The following BCL2L11 variants were observed in gnomAD, a reference collection of about 807,000 sequenced individuals.
BCL2L11 encodes BCL2 like 11, also known as bcl-2-like protein 11.
Under a neutral mutation model 20.6 loss-of-function variants are expected in BCL2L11, and 15 were observed. That is an observed-to-expected ratio of 0.73 (90% CI 0.49 to 1.12). The LOEUF is 1.12. BCL2L11 is among the 50% of genes most tolerant of loss of function. The pLI, the probability that BCL2L11 is intolerant of heterozygous loss-of-function variation, is 0.00. For missense variants in BCL2L11, 292 were observed against 260.9 expected (o/e 1.12, Z -0.82); for synonymous variants, 108 against 92.8 (o/e 1.16, Z -0.94).
intron 3 of BCL2L11, chr2:111,161,440 GA>G: frequency 6.4e-7 from 1 of 1,550,550 alleles, no homozygotes; most frequent in Non-Finnish European, 8.7e-7. Context: ...ACCTGATTAA[GA>G]ACCACTGTAG....
chr2:111,138,879 A>T (rs960212265), intron 2 of BCL2L11, among the ~76,000 whole-genome samples: 16 of 152,112 alleles, frequency 1.1e-4, no homozygotes, highest in South Asian at 8.3e-4. Flanking sequence ...GGTCATGGGG[A>T]GTTTTTCCAT....
At chr2:111,151,893 G>C (rs1368866179) in intron 3 of BCL2L11, 1 of 1,546,180 alleles carries the variant, frequency 6.5e-7, no homozygotes, top group Admixed American at 2.0e-5. Context: ...GATCTGAAAT[G>C]GTAATTTTTT....
intron 3 of BCL2L11, chr2:111,151,777 T>C (rs1261171197): frequency 1.4e-6 from 2 of 1,420,710 alleles, no homozygotes; most frequent in Non-Finnish European, 1.9e-6. Context: ...AAATGGGAAG[T>C]GTGACATTGA....
chr2:111,123,710 C>G (rs1040430499), intron 1 of BCL2L11, 23 bp from the exon 2 acceptor site: 4 of 1,384,648 alleles, frequency 2.9e-6, no homozygotes, highest in Non-Finnish European at 9.4e-7. Context: ...TTAAAATAAT[C>G]TTAGTTTTTA....
intron 2 of BCL2L11, among the ~76,000 whole-genome samples, chr2:111,141,415 C>CA (rs1338893301): frequency 1.3e-5 from 2 of 149,684 alleles, no homozygotes; most frequent in African/African-American, 2.5e-5. Flanking sequence ...ATTGCAAGAA[C>CA]AAAAAACCAA....
intron 2 of BCL2L11, among the ~76,000 whole-genome samples, chr2:111,145,225 A>C (rs1053127413): frequency 1.2e-4 from 18 of 152,190 alleles, no homozygotes; most frequent in Non-Finnish European, 2.1e-4. Flanking sequence ...TGAGGGTCGC[A>C]CCACCTCGTT....
intron 2 of BCL2L11, chr2:111,145,859 T>C: frequency 1.6e-6 from 1 of 639,346 alleles, no homozygotes; most frequent in Non-Finnish European, 1.9e-6. Context: ...GTGGACACAC[T>C]TTTGGCAAAA....
At chr2:111,122,862 G>GCCGGACGCCGCGGGGCTTGGTCCCTGGC in intron 1 of BCL2L11, 2 of 985,514 alleles carry the variant, frequency 2.0e-6, no homozygotes, top group Non-Finnish European at 2.4e-6. Flanking sequence ...AAGGGCGCGG[G>GCCGGACGCCGCGGGGCTTGGTCCCTGGC]CCGGACGCCG....
intron 1 of BCL2L11, among the ~76,000 whole-genome samples, chr2:111,121,656 C>T (rs1169189754): frequency 6.6e-6 from 1 of 152,204 alleles, no homozygotes; most frequent in African/African-American, 2.4e-5. Context: ...GGGCCTGTTG[C>T]GGAGGATTTG....
intron 2 of BCL2L11, chr2:111,144,628 G>C: frequency 1.5e-6 from 2 of 1,357,890 alleles, no homozygotes; most frequent in Admixed American, 4.5e-5. Flanking sequence ...ATTTAAAGAA[G>C]GAGACTTACA....
chr2:111,161,573 T>C (rs1012984597), intron 3 of BCL2L11: 3 of 1,525,400 alleles, frequency 2.0e-6, no homozygotes, highest in Non-Finnish European at 2.6e-6. Context: ...TCTTAGCCCA[T>C]GTTAGATGCG....
At chr2:111,150,224 C>T in intron 3 of BCL2L11, 77 bp downstream of exon 3, 4 of 1,543,300 alleles carry the variant, frequency 2.6e-6, no homozygotes, top group Non-Finnish European at 3.5e-6. Flanking sequence ...AAGACAGTGA[C>T]TTCTTGTAAC....
chr2:111,138,166 G>A (rs563547956), intron 2 of BCL2L11, among the ~76,000 whole-genome samples: 23 of 151,870 alleles, frequency 1.5e-4, no homozygotes, highest in African/African-American at 5.1e-4. Context: ...CCACCACGAC[G>A]CCTGGCTAAT....
chr2:111,147,346 T>TCTCTCTCTCTCTCTCTCACA (rs760779894), intron 2 of BCL2L11, among the ~76,000 whole-genome samples: 2 of 137,414 alleles, frequency 1.5e-5, no homozygotes, highest in African/African-American at 5.7e-5. Flanking sequence ...TCTCTCTCTC[T>TCTCTCTCTCTCTCTCTCACA]CACACACACA....
At chr2:111,126,122 A>G (rs2072543508) in intron 2 of BCL2L11, among the ~76,000 whole-genome samples, 1 of 152,166 alleles carries the variant, frequency 6.6e-6, no homozygotes, top group South Asian at 2.1e-4. Context: ...TGGTCTCTGT[A>G]GGTGATGGGT....
At chr2:111,141,435 A>G (rs1282992511) in intron 2 of BCL2L11, among the ~76,000 whole-genome samples, 1 of 148,424 alleles carries the variant, frequency 6.7e-6, no homozygotes, top group Non-Finnish European at 1.5e-5. Context: ...AACACTGCAT[A>G]TTCTCACTCA....
chr2:111,153,347 C>T (rs1340413168), intron 3 of BCL2L11, among the ~76,000 whole-genome samples: 1 of 152,036 alleles, frequency 6.6e-6, no homozygotes, highest in African/African-American at 2.4e-5. Flanking sequence ...CCATTGCACT[C>T]TAGCCTCCAC....
At chr2:111,161,968 G>A (rs568265682) in intron 3 of BCL2L11, among the ~76,000 whole-genome samples, 43 of 152,296 alleles carry the variant, frequency 2.8e-4, no homozygotes, top group Non-Finnish European at 5.1e-4. Context: ...CTAGTTCTGC[G>A]TCTTTGCCCC....
intron 2 of BCL2L11, chr2:111,144,341 A>T: frequency 1.2e-6 from 1 of 855,448 alleles, no homozygotes; most frequent in South Asian, 1.6e-5. Context: ...TACAAGTGAG[A>T]AATAGACCTG....
Sources: gnomAD v4.1 joint callset for allele counts (sites outside exome capture counted in the v4.1 genomes callset) on GRCh38, gnomAD v4.1.1 for gene constraint, MANE v1.5 for transcripts, NCBI Gene and HGNC (gene_info 2026-07-23, HGNC 2026-07-21) for gene names.